SC5D: variants seen among roughly 807,000 people sequenced by gnomAD.
SC5D encodes the protein sterol-C5-desaturase.
A neutral mutation model predicts 23.9 loss-of-function variants in SC5D; 21 were observed. That is an observed-to-expected ratio of 0.88 (90% CI 0.62 to 1.26). The LOEUF is 1.26. Ranked by LOEUF, SC5D falls within the 50% of genes most tolerant of loss-of-function variation. The probability of loss-of-function intolerance (pLI) is 0.00; values close to 1 mark genes in which losing one functional copy is unlikely to be tolerated. For synonymous variants in SC5D, 113 were observed against 125.9 expected (o/e 0.90, Z 0.68); for missense variants, 309 against 364.8 (o/e 0.85, Z 1.25).
At chr11:121,301,688 G>T (rs1035869667) in intron 1 of SC5D, among the ~76,000 whole-genome samples, 1 of 152,102 alleles carries the variant, frequency 6.6e-6, no homozygotes, top group Admixed American at 6.6e-5. Context: ...GGTAATGATT[G>T]CATAGCTCTG....
At position 121,304,489 on chromosome 11, in the gene SC5D, A is replaced by G; in HGVS notation, c.339A>G (p.Pro113=). Residue 113 remains proline (P), a synonymous_variant, in exon 3 of 5, where the codon CCA becomes CCG. Coordinates refer to ENST00000264027, the MANE Select transcript of SC5D (RefSeq NM_006918.5). The part of the protein sequence containing the change: ...SKLHDDLGEF[P]YGLFELVVSI... The stretch of plus-strand genomic sequence containing the variant: ...TACATGATGACCTAGGAGAGTTTCC[A>G]TATGGTAAGTAAATAACACGAGTGT... The G allele has an allele frequency of 6.2e-7, 1 of 1,613,578 alleles. No homozygotes were observed. The highest frequency in any genetic ancestry group is 8.5e-7 in the Non-Finnish European group (1 of 1,179,628).
chr11:121,301,554 G>GT (rs1170089684), intron 1 of SC5D, among the ~76,000 whole-genome samples: 5 of 152,078 alleles, frequency 3.3e-5, no homozygotes, highest in African/African-American at 1.2e-4. Flanking sequence ...GTCATAGAAA[G>GT]TTTAAGAAAG....
chr11:121,305,442 G>A (rs1947956700), intron 3 of SC5D: 1 of 151,946 alleles, frequency 6.6e-6, no homozygotes, highest in African/African-American at 2.4e-5. Flanking sequence ...TAAGAAGTTA[G>A]TTATTGCCGG....
rs1001707546 is a variant in SC5D, at chr11:121,308,407, T to G, written c.*895T>G. On this transcript the variant is annotated 3_prime_UTR_variant, in exon 5 of 5. Transcript: ENST00000264027. ...TGAAGTTACAAACCTGTAATTTTTTTGTAAAGGAAATAATTGCCAAATACC... is the reference window on the plus strand; with the variant it reads ...TGAAGTTACAAACCTGTAATTTTTTGGTAAAGGAAATAATTGCCAAATACC... 6.6e-5 allele frequency: 10 copies of G among 152,250 alleles called. No homozygotes were observed. The highest frequency in any genetic ancestry group is 2.2e-4 in the African/African-American group (9 of 41,468). 9.4% of individuals were successfully genotyped at this position (152,250 alleles called of 1,614,324 possible).
intron 1 of SC5D, among the ~76,000 whole-genome samples, chr11:121,296,346 C>G (rs1565566637): frequency 6.6e-6 from 1 of 152,208 alleles, no homozygotes; most frequent in Non-Finnish European, 1.5e-5. Context: ...AAGTCCATCC[C>G]CTAACATGTT....
At chr11:121,296,180 A>C (rs1947887818) in intron 1 of SC5D, among the ~76,000 whole-genome samples, 1 of 152,090 alleles carries the variant, frequency 6.6e-6, no homozygotes, top group Admixed American at 6.5e-5. Context: ...AGTAGTCCAG[A>C]TTTCTAATGG....
At chr11:121,294,619 C>T (rs574293909) in intron 1 of SC5D, among the ~76,000 whole-genome samples, 1 of 152,198 alleles carries the variant, frequency 6.6e-6, no homozygotes, top group East Asian at 1.9e-4. Context: ...TCAAGTGGCA[C>T]CTATTTTATC....
At position 121,312,835 on chromosome 11, in the gene SC5D, CATGTGGTATGAAACAAATAGAA is replaced by C. The variant is rs1948021449; in HGVS notation, c.*5325_*5346del. Reference sequence around the variant, plus strand: ...TTTAGATGTAAACTTGCCCCCCTGACATGTGGTATGAAACAAATAGAAACCTAGAAATTTAGTGCATATTCAA... The same window carrying C: ...TTTAGATGTAAACTTGCCCCCCTGACACCTAGAAATTTAGTGCATATTCAA... On this transcript the variant is annotated 3_prime_UTR_variant, in exon 5 of 5. Transcript: ENST00000264027. Among the ~76,000 whole-genome samples the C allele has an allele frequency of 1.3e-5, 2 of 152,108 alleles. No homozygotes were observed. Among genetic ancestry groups the C allele is most frequent in the African/African-American group, 4.8e-5 (2 of 41,440 alleles).
chr11:121,303,328 G>A (rs1347204349), intron 1 of SC5D, 38 bp from the exon 2 acceptor site: 3 of 1,575,414 alleles, frequency 1.9e-6, no homozygotes, highest in Non-Finnish European at 2.6e-6. Context: ...GAAAAATAGA[G>A]ACATGGTAAC....
At chr11:121,303,649 G>A (rs758310743) in intron 2 of SC5D, 64 bp downstream of exon 2, 5 of 1,318,396 alleles carry the variant, frequency 3.8e-6, no homozygotes, top group South Asian at 1.3e-5. Flanking sequence ...ATATATTTCT[G>A]AGATTTTTAG....
rs912515665 is a variant in SC5D at position 121,313,229 on chromosome 11, C to G, written c.*5717C>G. 6.6e-5 allele frequency among the ~76,000 whole-genome samples: 10 copies of G among 152,146 alleles called. No individual in the cohort carries two copies. The highest frequency in any genetic ancestry group is 1.5e-4 in the Non-Finnish European group (10 of 68,004). On this transcript the variant is annotated 3_prime_UTR_variant, in exon 5 of 5. Transcript: ENST00000264027. Reference sequence around the variant, plus strand: ...TAGTATATACTCTTGTGTTTAGTTTCTTTAGCTTAACATGTTTAGAGATAT... The same window carrying G: ...TAGTATATACTCTTGTGTTTAGTTTGTTTAGCTTAACATGTTTAGAGATAT...
At chr11:121,296,186 A>C (rs1021540353) in intron 1 of SC5D, among the ~76,000 whole-genome samples, 35 of 152,148 alleles carry the variant, frequency 2.3e-4, no homozygotes, top group African/African-American at 8.2e-4. Context: ...CCAGATTTCT[A>C]ATGGAATGGT....
At chr11:121,294,856 A>G (rs1420549684) in intron 1 of SC5D, among the ~76,000 whole-genome samples, 3 of 152,244 alleles carry the variant, frequency 2.0e-5, no homozygotes, top group Non-Finnish European at 4.4e-5. Context: ...AGATTGGCTC[A>G]TCAGCTGTTA....
intron 1 of SC5D, among the ~76,000 whole-genome samples, chr11:121,298,706 A>C (rs1159215497): frequency 6.6e-6 from 1 of 152,192 alleles, no homozygotes; most frequent in Non-Finnish European, 1.5e-5. Context: ...TTCTAAATGC[A>C]CATAATTGTC....
At position 121,308,435 on chromosome 11, in the gene SC5D, G is replaced by A. The variant is rs112837976; in HGVS notation, c.*923G>A. 7 of 152,176 alleles carry A rather than the reference G, an allele frequency of 4.6e-5. No individual in the cohort carries two copies. The highest frequency in any genetic ancestry group is 1.7e-4 in the African/African-American group (7 of 41,508). The allele number at this position is 152,176 out of a possible 1,614,324, so 9.4% of individuals were successfully genotyped here. ...AAAGGAAATAATTGCCAAATACCTA[G>A]GCCCATTGCTGACGATTAGTTCTAA... On this transcript the variant is annotated 3_prime_UTR_variant, in exon 5 of 5. Transcript: ENST00000264027.
intron 3 of SC5D, chr11:121,305,056 G>A (rs569445002): frequency 3.9e-5 from 6 of 154,276 alleles, no homozygotes; most frequent in South Asian, 4.0e-4. Context: ...AGTACTGTGC[G>A]GATATTCATA....
At position 121,310,857 on chromosome 11, in the gene SC5D, C is replaced by T. The variant is rs79862582; in HGVS notation, c.*3345C>T. ...GACACCAAACCAACTGGTGCTTAACCGTGACTTCCCAGCCTCCAGAGCTGT... is the reference window on the plus strand; with the variant it reads ...GACACCAAACCAACTGGTGCTTAACTGTGACTTCCCAGCCTCCAGAGCTGT... On this transcript the variant is annotated 3_prime_UTR_variant, in exon 5 of 5. Coordinates refer to ENST00000264027, the MANE Select transcript of SC5D (RefSeq NM_006918.5). Among the ~76,000 whole-genome samples the T allele has an allele frequency of 0.01, 1,575 of 152,202 alleles. 26 individuals are homozygous for T. Among genetic ancestry groups the T allele is most frequent in the African/African-American group, 0.032 (1,314 of 41,510 alleles).
At chr11:121,293,249 A>G (rs551403479) in intron 1 of SC5D, among the ~76,000 whole-genome samples, 1 of 152,354 alleles carries the variant, frequency 6.6e-6, no homozygotes, top group South Asian at 2.1e-4. Context: ...GGACGGGCTT[A>G]AAGAAAATGC....
At chr11:121,299,987 T>C (rs1215949660) in intron 1 of SC5D, among the ~76,000 whole-genome samples, 1 of 152,236 alleles carries the variant, frequency 6.6e-6, no homozygotes, top group East Asian at 1.9e-4. Context: ...GCAAAATGTA[T>C]TTATAGGAAT....
Sources: allele counts gnomAD v4.1 joint callset (sites outside exome capture counted in the v4.1 genomes callset), GRCh38; gene constraint gnomAD v4.1.1; transcripts MANE v1.5; gene names NCBI Gene and HGNC (gene_info 2026-07-23, HGNC 2026-07-21).